The following FBXL17 variants were observed in gnomAD, a reference collection of about 807,000 sequenced individuals.
FBXL17 encodes F-box/LRR-repeat protein 17.
A neutral mutation model predicts 66.2 loss-of-function variants in FBXL17; 22 were observed. That is an observed-to-expected ratio of 0.33 (90% CI 0.24 to 0.47). FBXL17 has a LOEUF of 0.47. FBXL17 is among the 20% of genes least tolerant of loss of function. The probability of loss-of-function intolerance (pLI) is 1.00; values close to 1 mark genes in which losing one functional copy is unlikely to be tolerated. For synonymous variants in FBXL17, 474 were observed against 400.5 expected (o/e 1.18, Z -2.19); for missense variants, 878 against 948.2 (o/e 0.93, Z 0.97).
chr5:107,991,835 T>C (rs1753263385), intron 7 of FBXL17, among the ~76,000 whole-genome samples: 1 of 152,140 alleles, frequency 6.6e-6, no homozygotes, highest in Non-Finnish European at 1.5e-5. Context: ...GCTTGGAAAA[T>C]GAGGAGTCAA....
At chr5:108,067,626 A>C (rs1274160366) in intron 6 of FBXL17, among the ~76,000 whole-genome samples, 2 of 152,136 alleles carry the variant, frequency 1.3e-5, no homozygotes, top group Non-Finnish European at 2.9e-5. Flanking sequence ...TTTAACTATA[A>C]TTAAGACTAC....
intron 6 of FBXL17, among the ~76,000 whole-genome samples, chr5:108,087,470 T>C (rs1486576190): frequency 1.3e-5 from 2 of 152,070 alleles, no homozygotes; most frequent in Non-Finnish European, 2.9e-5. Flanking sequence ...GAATATATGC[T>C]TGAGGGCTCC....
chr5:108,347,166 G>A (rs374375048), intron 4 of FBXL17, among the ~76,000 whole-genome samples: 2 of 152,184 alleles, frequency 1.3e-5, no homozygotes, highest in East Asian at 1.9e-4. Context: ...AGAGCATACA[G>A]AAAGCCCTGG....
chr5:108,363,399 G>A (rs1408172743), intron 3 of FBXL17, among the ~76,000 whole-genome samples: 2 of 151,888 alleles, frequency 1.3e-5, no homozygotes, highest in African/African-American at 4.8e-5. Flanking sequence ...ACACTGCAAT[G>A]AGATCCTATG....
At chr5:108,140,918 C>A (rs1751324925) in intron 6 of FBXL17, among the ~76,000 whole-genome samples, 1 of 152,034 alleles carries the variant, frequency 6.6e-6, no homozygotes, top group Non-Finnish European at 1.5e-5. Flanking sequence ...TTCTCCCTAT[C>A]CCTGCCTTCA....
chr5:107,879,854 A>C, intron 8 of FBXL17: 1 of 985,442 alleles, frequency 1.0e-6, no homozygotes, highest in Non-Finnish European at 1.2e-6. Flanking sequence ...GTGGCCACAG[A>C]CTGCCCCCTG....
At chr5:108,204,591 C>A (rs999734597) in intron 5 of FBXL17, among the ~76,000 whole-genome samples, 8 of 152,160 alleles carry the variant, frequency 5.3e-5, no homozygotes, top group Non-Finnish European at 1.2e-4. Context: ...TACAGCATTT[C>A]TAAGGCTTGC....
chr5:108,014,959 G>T (rs536703027), intron 7 of FBXL17, among the ~76,000 whole-genome samples: 1 of 152,102 alleles, frequency 6.6e-6, no homozygotes, highest in East Asian at 1.9e-4. Context: ...ATTCACTACC[G>T]CCACAACAGT....
rs181059020 is a variant in FBXL17 at position 108,163,308 on chromosome 5, C to A, written c.1745+22809G>T. Among the ~76,000 whole-genome samples, 445 of 151,888 alleles carry A rather than the reference C, an allele frequency of 2.9e-3. 2 individuals carry two copies. Among genetic ancestry groups the A allele is most frequent in the Non-Finnish European group, 5.5e-3 (377 of 67,968 alleles). ...ATCCTTTAAATGTATTATTGTGACACCAAAGGCAAGGAAATAAGAAGGTTC... is the reference window on the plus strand; with the variant it reads ...ATCCTTTAAATGTATTATTGTGACAACAAAGGCAAGGAAATAAGAAGGTTC... On this transcript the variant is annotated intron_variant, in intron 6 of 8. Transcript: ENST00000542267.
intron 6 of FBXL17, among the ~76,000 whole-genome samples, chr5:108,038,733 A>C (rs1030442625): frequency 2.6e-5 from 4 of 152,114 alleles, no homozygotes; most frequent in Non-Finnish European, 5.9e-5. Flanking sequence ...AATTCACAAA[A>C]AAATATGCTT....
chr5:108,032,765 T>G (rs1746694647), intron 6 of FBXL17, among the ~76,000 whole-genome samples: 2 of 152,178 alleles, frequency 1.3e-5, no homozygotes, highest in Admixed American at 1.3e-4. Flanking sequence ...AGAAAATGTT[T>G]TCATTGTTTT....
chr5:108,028,693 G>A (rs1161689179), intron 6 of FBXL17, among the ~76,000 whole-genome samples: 2 of 152,076 alleles, frequency 1.3e-5, no homozygotes, highest in Admixed American at 1.3e-4. Flanking sequence ...AGCCAAGGAG[G>A]CAACTCAGAC....
intron 4 of FBXL17, among the ~76,000 whole-genome samples, chr5:108,273,334 TATAATAATAATAAAAATA>T (rs1387193695): frequency 3.3e-5 from 5 of 149,510 alleles, no homozygotes; most frequent in Admixed American, 1.4e-4. Flanking sequence ...AAACTTAAAG[TATAATAATAATAAAAATA>T]ATAATAATAA....
chr5:107,993,971 T>C (rs889731561), intron 7 of FBXL17, among the ~76,000 whole-genome samples: 2 of 152,176 alleles, frequency 1.3e-5, no homozygotes, highest in Non-Finnish European at 2.9e-5. Flanking sequence ...GGCTGTGGTA[T>C]AGAAGTTAAA....
intron 6 of FBXL17, among the ~76,000 whole-genome samples, chr5:108,051,626 G>A (rs905913122): frequency 6.6e-6 from 1 of 152,074 alleles, no homozygotes; most frequent in Non-Finnish European, 1.5e-5. Context: ...CAAACACACA[G>A]GCAATATCAT....
intron 4 of FBXL17, among the ~76,000 whole-genome samples, chr5:108,267,703 T>A (rs561469398): frequency 2.6e-5 from 4 of 151,934 alleles, no homozygotes; most frequent in African/African-American, 9.7e-5. Flanking sequence ...AAAGACAATA[T>A]ACAGGTGGCT....
chr5:108,126,543 T>C (rs1190037292), intron 6 of FBXL17, among the ~76,000 whole-genome samples: 1 of 151,698 alleles, frequency 6.6e-6, no homozygotes, highest in Non-Finnish European at 1.5e-5. Flanking sequence ...ATTTTTACCA[T>C]CAGGCATAGG....
chr5:107,943,183 C>CT (rs1169423357), intron 7 of FBXL17, among the ~76,000 whole-genome samples: 1 of 152,208 alleles, frequency 6.6e-6, no homozygotes, highest in Non-Finnish European at 1.5e-5. Context: ...CAACTCTACA[C>CT]TTTGAGTCCC....
chr5:108,181,590 A>G (rs1395339872), intron 6 of FBXL17, among the ~76,000 whole-genome samples: 2 of 152,216 alleles, frequency 1.3e-5, no homozygotes, highest in Non-Finnish European at 2.9e-5. Context: ...AAAAGTTCAC[A>G]GATAAGAATT....
Sources: gnomAD v4.1 joint callset for allele counts (sites outside exome capture counted in the v4.1 genomes callset) on GRCh38, gnomAD v4.1.1 for gene constraint, MANE v1.5 for transcripts, NCBI Gene and HGNC (gene_info 2026-07-23, HGNC 2026-07-21) for gene names.